GRHPR: variants seen among roughly 807,000 people sequenced by gnomAD.
GRHPR encodes glyoxylate and hydroxypyruvate reductase.
GRHPR carries 35 observed loss-of-function variants against 36.8 expected under a neutral mutation model. The ratio of observed to expected loss-of-function variants is 0.95; its 90% CI spans 0.73 to 1.26. GRHPR has a LOEUF of 1.26. GRHPR is among the 50% of genes most tolerant of loss of function. GRHPR has a pLI of 0.00. For synonymous variants in GRHPR, 179 were observed against 181.0 expected, an observed-to-expected ratio of 0.99 and a Z score of 0.09; for missense variants, 380 against 435.0, an observed-to-expected ratio of 0.87 and a Z score of 1.12.
intron 7 of GRHPR, chr9:37,431,675 G>A (rs1272549470): frequency 1.5e-5 from 5 of 339,486 alleles, no homozygotes; most frequent in African/African-American, 6.4e-5. Flanking sequence ...TGTTCATGCA[G>A]TAGAGCATGT....
chr9:37,427,228 T>C (rs1042833798), intron 4 of GRHPR, among the ~76,000 whole-genome samples: 4 of 152,004 alleles, frequency 2.6e-5, no homozygotes, highest in African/African-American at 9.7e-5. Flanking sequence ...ACAGAATAAG[T>C]AGCAGGTGGG....
At chr9:37,431,112 G>GTGA (rs1304107750) in intron 7 of GRHPR, 1 of 445,498 alleles carries the variant, frequency 2.2e-6, no homozygotes, top group African/African-American at 2.0e-5. Flanking sequence ...TCCTCACACT[G>GTGA]TCCCTAGGGG....
chr9:37,429,736 G>A lies in GRHPR; in HGVS notation c.498G>A (p.Gln166=). 2 of 1,608,052 alleles carry A rather than the reference G, an allele frequency of 1.2e-6. No individual in the cohort carries two copies. Among genetic ancestry groups the A allele is most frequent in the South Asian group, 2.2e-5 (2 of 90,980 alleles). ...VGIIGLGRIG[Q]AIARRLKPFG... Reference sequence around the variant, plus strand: ...CATGGACTCTCCTTGCTCTAGGCCAGGCCATTGCTCGGCGTCTGAAACCAT... The same window carrying A: ...CATGGACTCTCCTTGCTCTAGGCCAAGCCATTGCTCGGCGTCTGAAACCAT... Residue 166 remains glutamine (Q), a synonymous_variant, in exon 6 of 9, where the codon CAG becomes CAA. Coordinates refer to ENST00000318158, the MANE Select transcript of GRHPR (RefSeq NM_012203.2).
chr9:37,439,022 A>AAACTG (rs1436419875), downstream of GRHPR: 2 of 152,266 alleles, frequency 1.3e-5, no homozygotes, highest in African/African-American at 4.8e-5. Context: ...CTAAACACAA[A>AAACTG]AACTGAATAA....
chr9:37,429,968 G>A, intron 6 of GRHPR, 132 bp downstream of exon 6: 1 of 703,616 alleles, frequency 1.4e-6, no homozygotes, highest in South Asian at 1.5e-5. Flanking sequence ...TCTGGTAGAT[G>A]TTTAATCTAC....
chr9:37,428,635 AC>A (rs775855961), intron 5 of GRHPR, 63 bp downstream of exon 5: 2 of 1,080,944 alleles, frequency 1.9e-6, no homozygotes, highest in East Asian at 2.3e-5. Context: ...CATCCCTGGC[AC>A]CACGTGTCTG....
intron 6 of GRHPR, 116 bp downstream of exon 6, chr9:37,429,952 C>T: frequency 1.4e-6 from 1 of 723,448 alleles, no homozygotes; most frequent in South Asian, 1.5e-5. Flanking sequence ...TGTCCAGGGG[C>T]TGCTGTCTGG....
chr9:37,434,210 A>G (rs546000075), intron 8 of GRHPR: 12 of 400,296 alleles, frequency 3.0e-5, no homozygotes, highest in East Asian at 2.5e-4. Context: ...GAAGGATGCA[A>G]TCATTTGTGA....
chr9:37,430,363 T>A lies in GRHPR; in HGVS notation c.599-148T>A, dbSNP rs897368930. 18 of 743,366 alleles carry A rather than the reference T, an allele frequency of 2.4e-5. No individual in the cohort carries two copies. In the African/African-American group the frequency reaches 2.7e-4, roughly 11 times the overall value. 46.0% of individuals were successfully genotyped at this position (743,366 alleles called of 1,614,324 possible). A position where few individuals can be genotyped will look rare whatever the true frequency, so the allele number is the denominator to read the frequency against. ...CTGTGTGTGATTTGACTTTGTGCAC[T>A]CATGAGAGTTGTCCAGGTAGAGACT... is the stretch of plus-strand genomic sequence containing the variant. On this transcript the variant is annotated intron_variant, in intron 6 of 8. Coordinates refer to ENST00000318158, the MANE Select transcript of GRHPR (RefSeq NM_012203.2).
rs1324824499 is a variant in GRHPR, at chr9:37,436,942, C to T, written c.*160C>T. ...GTACTTGTCACATTGGTGTTGGACA[C>T]ATTTGCGCCAAAAGTATGGTAATTC... On this transcript the variant is annotated 3_prime_UTR_variant, in exon 9 of 9. Coordinates refer to ENST00000318158, the MANE Select transcript of GRHPR (RefSeq NM_012203.2). The T allele has an allele frequency of 9.2e-6, 7 of 761,696 alleles. No homozygotes were observed. Among genetic ancestry groups the T allele is most frequent in the African/African-American group, 5.2e-5 (3 of 57,814 alleles). 47.2% of individuals were successfully genotyped at this position (761,696 alleles called of 1,614,324 possible).
At chr9:37,424,455 C>G (rs1050152850) in intron 1 of GRHPR, among the ~76,000 whole-genome samples, 4 of 152,262 alleles carry the variant, frequency 2.6e-5, no homozygotes, top group African/African-American at 9.6e-5. Flanking sequence ...TTCATGGACT[C>G]CACGGACAGG....
At chr9:37,422,538 G>A (rs1216737553), upstream of GRHPR, 47 of 607,772 alleles carry the variant, frequency 7.7e-5, no homozygotes, top group South Asian at 3.7e-4. Flanking sequence ...CACACACAAG[G>A]ACACTGTGTA....
chr9:37,428,375 C>T (rs1216102840), intron 4 of GRHPR, 109 bp from the exon 5 acceptor site: 3 of 786,274 alleles, frequency 3.8e-6, no homozygotes, highest in Non-Finnish European at 6.9e-6. Flanking sequence ...AGTCCGTGAC[C>T]TGGAGGGTGG....
In GRHPR at chr9:37,422,698, A is replaced by T; in HGVS notation, c.-53A>T. On this transcript the variant is annotated 5_prime_UTR_variant, in exon 1 of 9. Transcript: ENST00000318158. ...CCTGGCCCCGCCCCGGCCCAGCTAC[A>T]TTCCCGGGCCAGCTTCTGTACTGCC... 7.2e-7 allele frequency: 1 copy of T among 1,393,032 alleles called. No homozygotes were observed. The highest frequency in any genetic ancestry group is 1.2e-5 in the South Asian group (1 of 81,090). 86.3% of individuals were successfully genotyped at this position (1,393,032 alleles called of 1,614,324 possible).
At chr9:37,437,091 G>T (rs1823708466), downstream of GRHPR, 2 of 375,722 alleles carry the variant, frequency 5.3e-6, no homozygotes, top group Non-Finnish European at 1.0e-5. Context: ...GAGCGGGAAG[G>T]ATCCTTTGAG....
downstream of GRHPR, among the ~76,000 whole-genome samples, chr9:37,437,285 G>A (rs1395799685): frequency 2.6e-5 from 4 of 152,094 alleles, no homozygotes; most frequent in Admixed American, 6.5e-5. Context: ...AATACAAAGA[G>A]CATGTTTCAA....
intron 1 of GRHPR, 72 bp from the exon 2 acceptor site, chr9:37,424,773 G>T (rs1037130692): frequency 7.7e-6 from 12 of 1,568,170 alleles, no homozygotes; most frequent in Non-Finnish European, 8.7e-6. Context: ...CAGAGGCCAG[G>T]ATTCCCAGCT....
chr9:37,430,020 A>C (rs1588758076), intron 6 of GRHPR, 184 bp downstream of exon 6: 1 of 653,246 alleles, frequency 1.5e-6, no homozygotes, highest in Admixed American at 2.2e-5. Flanking sequence ...ACAGGGACTT[A>C]CCCAGGTCCT....
At chr9:37,430,239 G>T in intron 6 of GRHPR, 1 of 574,282 alleles carries the variant, frequency 1.7e-6, no homozygotes, top group South Asian at 1.9e-5. Flanking sequence ...CGGGTCCACA[G>T]CCTGGTGAGC....
Sources: gnomAD v4.1 joint callset for allele counts (sites outside exome capture counted in the v4.1 genomes callset) on GRCh38, gnomAD v4.1.1 for gene constraint, MANE v1.5 for transcripts, NCBI Gene and HGNC (gene_info 2026-07-23, HGNC 2026-07-21) for gene names.